The following STON2 variants were observed in gnomAD, a reference collection of about 807,000 sequenced individuals.
The protein encoded by STON2 is stonin-2.
In STON2, 29 loss-of-function variants were observed where a neutral mutation model predicts 65.7. The observed-to-expected ratio is 0.44, with a 90% CI of 0.33 to 0.60. STON2 has a LOEUF of 0.60. Among genes scored for constraint, STON2 ranks in the 20% least tolerant of loss-of-function variants. STON2 has a pLI of 0.03. For synonymous variants in STON2, 404 were observed against 414.2 expected, an observed-to-expected ratio of 0.98 and a Z score of 0.30; for missense variants, 1,054 against 1,118.1, an observed-to-expected ratio of 0.94 and a Z score of 0.82.
upstream of STON2, among the ~76,000 whole-genome samples, chr14:81,404,271 T>G (rs186102577): frequency 1.3e-5 from 2 of 152,220 alleles, no homozygotes; most frequent in Non-Finnish European, 2.9e-5. Context: ...ACTACTGATA[T>G]GTGGTTAATC....
At chr14:81,424,780 G>A (rs1171843355) in intron 2 of STON2, among the ~76,000 whole-genome samples, 1 of 152,150 alleles carries the variant, frequency 6.6e-6, no homozygotes, top group Non-Finnish European at 1.5e-5. Flanking sequence ...CACCATGTAT[G>A]CCTATTCTCC....
intron 3 of STON2, among the ~76,000 whole-genome samples, chr14:81,378,949 C>CAAACCTCACAGAAAATATCACAT (rs144287382): frequency 0.04 from 6,146 of 152,202 alleles, 428 homozygotes; most frequent in African/African-American, 0.14. Flanking sequence ...AAATACCCCC[C>CAAACCTCACAGAAAATATCACAT]AAAGCTTAAT....
intron 6 of STON2, among the ~76,000 whole-genome samples, chr14:81,271,422 A>G (rs967377036): frequency 6.6e-5 from 10 of 152,348 alleles, no homozygotes; most frequent in Middle Eastern, 3.4e-3. Flanking sequence ...CATATGGAAC[A>G]CTGGACAAAA....
Position 81,277,106 on chromosome 14 carries a change from G to A in STON2, c.2376C>T (p.Pro792=). ...TGCGGAAGTTTTTCACCCACTCACT[G>A]GGCACAGGGTAACGGATCATCACAT... ...CENVMIRYPV[P]SEWVKNFRRE... Residue 792 remains proline (P), a synonymous_variant, in exon 6 of 8, where the codon CCC becomes CCT. Transcript: ENST00000614646. The A allele has an allele frequency of 1.9e-6, 3 of 1,614,162 alleles. No homozygotes were observed. Among genetic ancestry groups the A allele is most frequent in the Non-Finnish European group, 2.5e-6 (3 of 1,180,040 alleles).
At chr14:81,349,990 G>A (rs548503852) in intron 4 of STON2, among the ~76,000 whole-genome samples, 4 of 152,118 alleles carry the variant, frequency 2.6e-5, no homozygotes, top group African/African-American at 4.8e-5. Context: ...AAAGACAAAC[G>A]GGCAAGTTCT....
intron 2 of STON2, among the ~76,000 whole-genome samples, chr14:81,409,051 T>G (rs966606955): frequency 2.6e-5 from 4 of 152,196 alleles, no homozygotes; most frequent in Non-Finnish European, 5.9e-5. Flanking sequence ...CTTATCTATA[T>G]TTTAGAGCCA....
chr14:81,366,137 G>A (rs909586044), intron 4 of STON2, among the ~76,000 whole-genome samples: 2 of 152,112 alleles, frequency 1.3e-5, no homozygotes, highest in Non-Finnish European at 1.5e-5. Context: ...CTGCCCCCCC[G>A]CACCCTGTGA....
At chr14:81,324,289 C>A (rs1047918723) in intron 4 of STON2, among the ~76,000 whole-genome samples, 102 bp from the exon 5 acceptor site, 5 of 152,238 alleles carry the variant, frequency 3.3e-5, no homozygotes, top group Admixed American at 2.6e-4. Flanking sequence ...CAGGCGCAGA[C>A]AGGAGAGTCT....
intron 4 of STON2, among the ~76,000 whole-genome samples, chr14:81,348,896 A>G (rs995574398): frequency 4.6e-5 from 7 of 152,204 alleles, no homozygotes; most frequent in Admixed American, 4.6e-4. Flanking sequence ...GTATAAAAAC[A>G]GACCCATAAG....
intron 5 of STON2, among the ~76,000 whole-genome samples, chr14:81,279,323 G>A (rs1895010618): frequency 6.6e-6 from 1 of 152,108 alleles, no homozygotes; most frequent in Admixed American, 6.5e-5. Flanking sequence ...TCTGAGTAAA[G>A]AACATAGACA....
rs561066969 is a variant in STON2 at position 81,376,707 on chromosome 14, C to G, written c.374-5522G>C. On this transcript the variant is annotated intron_variant, in intron 3 of 7. Coordinates refer to ENST00000614646, the MANE Select transcript of STON2 (RefSeq NM_001394390.1). ...TGTAAAGTCTCTAAAAGGAGAATTA[C>G]AAAATAATCTCAATCATGGACATAG... is the stretch of plus-strand genomic sequence containing the variant. Among the ~76,000 whole-genome samples, 22 of 152,120 alleles carry G rather than the reference C, an allele frequency of 1.4e-4. No homozygotes were observed. In the South Asian group the frequency reaches 1.7e-3, roughly 11 times the overall value.
chr14:81,289,604 T>G (rs1566891613), intron 5 of STON2, among the ~76,000 whole-genome samples: 1 of 152,206 alleles, frequency 6.6e-6, no homozygotes. Flanking sequence ...GACCAGGAAC[T>G]GACCTTTATC....
intron 6 of STON2, among the ~76,000 whole-genome samples, chr14:81,275,979 A>G (rs1195010216): frequency 1.2e-4 from 18 of 152,210 alleles, no homozygotes; most frequent in Admixed American, 8.5e-4. Flanking sequence ...TTGCTCAGCT[A>G]GCGTATCCAC....
chr14:81,359,773 T>C (rs1181801778), intron 4 of STON2, among the ~76,000 whole-genome samples: 1 of 152,172 alleles, frequency 6.6e-6, no homozygotes, highest in Non-Finnish European at 1.5e-5. Context: ...AAGAAACGGA[T>C]AAATTCCCTA....
At chr14:81,297,167 G>C (rs926478947) in intron 5 of STON2, among the ~76,000 whole-genome samples, 1 of 152,170 alleles carries the variant, frequency 6.6e-6, no homozygotes, top group Admixed American at 6.5e-5. Context: ...CTGCCTCCAA[G>C]ACAAGTAGTG....
At chr14:81,340,070 C>A (rs911483487) in intron 4 of STON2, among the ~76,000 whole-genome samples, 1 of 152,206 alleles carries the variant, frequency 6.6e-6, no homozygotes, top group Non-Finnish European at 1.5e-5. Flanking sequence ...AGGAGAATGG[C>A]ATAAACCCGG....
intron 2 of STON2, among the ~76,000 whole-genome samples, chr14:81,405,463 T>TTTTTTTTTTG (rs1259824074): frequency 6.6e-6 from 1 of 150,410 alleles, no homozygotes; most frequent in African/African-American, 2.4e-5. Flanking sequence ...TACTATTGTT[T>TTTTTTTTTTG]TTTTTTTTTT....
At chr14:81,304,961 C>T (rs1896113888) in intron 5 of STON2, among the ~76,000 whole-genome samples, 1 of 152,166 alleles carries the variant, frequency 6.6e-6, no homozygotes, top group Non-Finnish European at 1.5e-5. Flanking sequence ...GTACCCCCTT[C>T]CTATCACTAA....
rs919905314 is a variant in STON2 at position 81,270,099 on chromosome 14, T to G, written c.2784+571A>C. On this transcript the variant is annotated intron_variant, in intron 7 of 7. Transcript: ENST00000614646. ...TTCCTTTACCCCATTACTCTTTTTC[T>G]TTTTTTGAGACACAGTCTCGCTCTG... 2.2e-5 allele frequency: 21 copies of G among 947,300 alleles called. No individual in the cohort carries two copies. In the African/African-American group the frequency reaches 3.5e-4, roughly 16 times the overall value. 58.7% of individuals were successfully genotyped at this position (947,300 alleles called of 1,614,324 possible). A position where few individuals can be genotyped will look rare whatever the true frequency, so the allele number is the denominator to read the frequency against.
Sources: gnomAD v4.1 joint callset for allele counts (sites outside exome capture counted in the v4.1 genomes callset) on GRCh38, gnomAD v4.1.1 for gene constraint, MANE v1.5 for transcripts, NCBI Gene and HGNC (gene_info 2026-07-23, HGNC 2026-07-21) for gene names.